Variants in FRMD4A observed in about 807,000 individuals in gnomAD.
The protein encoded by FRMD4A is FERM domain-containing protein 4A.
FRMD4A carries 29 observed loss-of-function variants against 129.1 expected under a neutral mutation model. The ratio of observed to expected loss-of-function variants is 0.22; its 90% CI spans 0.17 to 0.31. The LOEUF (loss-of-function observed/expected upper bound fraction) is 0.31. Ranked by LOEUF, FRMD4A falls within the 10% of genes least tolerant of loss-of-function variation. The pLI is 1.00. For missense variants in FRMD4A, 1,272 were observed against 1,375.8 expected (o/e 0.92, Z 1.19); for synonymous variants, 634 against 571.6 (o/e 1.11, Z -1.56).
chr10:13,881,102 G>T (rs1459621379), intron 2 of FRMD4A, among the ~76,000 whole-genome samples: 1 of 152,026 alleles, frequency 6.6e-6, no homozygotes, highest in African/African-American at 2.4e-5. Flanking sequence ...GCTGGGGTTT[G>T]CCAGGGTAGC....
intron 2 of FRMD4A, among the ~76,000 whole-genome samples, chr10:13,906,781 A>G (rs1429060457): frequency 1.3e-5 from 2 of 152,192 alleles, no homozygotes; most frequent in Non-Finnish European, 2.9e-5. Context: ...TGAGTGCACC[A>G]AGTGTATGCT....
chr10:13,895,246 A>G (rs1319304094), intron 2 of FRMD4A, among the ~76,000 whole-genome samples: 1 of 152,014 alleles, frequency 6.6e-6, no homozygotes, highest in Non-Finnish European at 1.5e-5. Flanking sequence ...CTCACCCTCT[A>G]TCCTGTGATA....
chr10:14,296,775 A>AT (rs1298877584), intron 2 of FRMD4A, among the ~76,000 whole-genome samples: 3 of 152,002 alleles, frequency 2.0e-5, no homozygotes, highest in Non-Finnish European at 4.4e-5. Flanking sequence ...TAGGATCCTC[A>AT]TTTTTTGCAG....
chr10:13,949,849 A>G (rs1434185703), intron 2 of FRMD4A, among the ~76,000 whole-genome samples: 1 of 152,214 alleles, frequency 6.6e-6, no homozygotes, highest in Non-Finnish European at 1.5e-5. Context: ...ACCCTAAACC[A>G]TGGAGATTTC....
chr10:13,730,581 C>T (rs1296302655), intron 12 of FRMD4A, among the ~76,000 whole-genome samples: 1 of 152,132 alleles, frequency 6.6e-6, no homozygotes, highest in Non-Finnish European at 1.5e-5. Flanking sequence ...CTCATTGTCT[C>T]CTGAGCCCAG....
chr10:14,129,160 T>A (rs72776694), intron 2 of FRMD4A, among the ~76,000 whole-genome samples: 23,643 of 151,456 alleles, frequency 0.16, 2,097 homozygotes, highest in Non-Finnish European at 0.2. Flanking sequence ...GTGGCTTCCA[T>A]CTCAATAGCC....
chr10:13,699,025 C>T (rs544121290), intron 14 of FRMD4A, among the ~76,000 whole-genome samples: 3 of 151,032 alleles, frequency 2.0e-5, no homozygotes, highest in Admixed American at 6.6e-5. Context: ...CTAAAAGACA[C>T]GTCTTGTTGC....
At chr10:13,832,791 C>G (rs2093811197) in intron 3 of FRMD4A, among the ~76,000 whole-genome samples, 1 of 152,060 alleles carries the variant, frequency 6.6e-6, no homozygotes, top group Non-Finnish European at 1.5e-5. Context: ...AGGTGAATGC[C>G]ACCACACCCG....
At chr10:14,249,466 G>T (rs976600054) in intron 2 of FRMD4A, among the ~76,000 whole-genome samples, 2 of 152,188 alleles carry the variant, frequency 1.3e-5, no homozygotes, top group African/African-American at 4.8e-5. Flanking sequence ...CTTACTCTAG[G>T]GCCCACATGC....
intron 5 of FRMD4A, among the ~76,000 whole-genome samples, chr10:13,794,482 G>A (rs1253678971): frequency 2.0e-5 from 3 of 151,898 alleles, no homozygotes; most frequent in Non-Finnish European, 4.4e-5. Context: ...GGATGACGAT[G>A]CCACAGACTT....
At chr10:13,955,125 T>TTTTTTTTTTTTTTTTTTA (rs2095402289) in intron 2 of FRMD4A, among the ~76,000 whole-genome samples, 2 of 147,696 alleles carry the variant, frequency 1.4e-5, no homozygotes, top group African/African-American at 2.5e-5. Flanking sequence ...TTTTTTTTTT[T>TTTTTTTTTTTTTTTTTTA]GAGACGGAGT....
intron 2 of FRMD4A, among the ~76,000 whole-genome samples, chr10:13,954,645 C>T (rs989760775): frequency 6.6e-6 from 1 of 152,108 alleles, no homozygotes; most frequent in South Asian, 2.1e-4. Flanking sequence ...ACCATCAGGG[C>T]CCTGCAGACC....
intron 2 of FRMD4A, among the ~76,000 whole-genome samples, chr10:14,053,841 T>C (rs746233521): frequency 7.9e-5 from 12 of 151,834 alleles, no homozygotes; most frequent in Non-Finnish European, 1.2e-4. Flanking sequence ...CTGGGCAACA[T>C]AGCAAGATCC....
chr10:13,985,083 G>C (rs984423434), intron 2 of FRMD4A, among the ~76,000 whole-genome samples: 1 of 152,258 alleles, frequency 6.6e-6, no homozygotes, highest in Non-Finnish European at 1.5e-5. Flanking sequence ...GCTGGTGTGG[G>C]CTTCAGGTAA....
intron 2 of FRMD4A, among the ~76,000 whole-genome samples, chr10:13,968,600 G>T (rs977741332): frequency 1.6e-4 from 25 of 152,190 alleles, no homozygotes; most frequent in Admixed American, 2.0e-4. Context: ...TTACAAGCAT[G>T]TGCCACCATG....
chr10:13,857,872 C>A (rs1159056627), intron 3 of FRMD4A, among the ~76,000 whole-genome samples: 1 of 152,182 alleles, frequency 6.6e-6, no homozygotes, highest in Non-Finnish European at 1.5e-5. Flanking sequence ...AGACACCATT[C>A]TTTAGAGCTT....
intron 2 of FRMD4A, among the ~76,000 whole-genome samples, chr10:13,925,660 T>G (rs1392331649): frequency 2.2e-5 from 3 of 134,118 alleles, no homozygotes; most frequent in Non-Finnish European, 4.6e-5. Flanking sequence ...CTCGGCTCAC[T>G]GCAACTTCCG....
intron 2 of FRMD4A, among the ~76,000 whole-genome samples, chr10:13,886,290 G>A (rs2094620073): frequency 6.7e-6 from 1 of 148,900 alleles, no homozygotes; most frequent in Non-Finnish European, 1.5e-5. Flanking sequence ...ACCCTGCAAA[G>A]AAGGCTGCAT....
intron 2 of FRMD4A, among the ~76,000 whole-genome samples, chr10:14,024,571 A>G (rs1832905061): frequency 6.6e-6 from 1 of 152,240 alleles, no homozygotes; most frequent in Admixed American, 6.5e-5. Context: ...AGAACATCGC[A>G]GGCTGGACTG....
Sources: allele counts gnomAD v4.1 joint callset (sites outside exome capture counted in the v4.1 genomes callset), GRCh38; gene constraint gnomAD v4.1.1; transcripts MANE v1.5; gene names NCBI Gene and HGNC (gene_info 2026-07-23, HGNC 2026-07-21).